TLN2: variants seen among roughly 807,000 people sequenced by gnomAD.
TLN2 encodes talin 2.
TLN2 carries 118 observed loss-of-function variants against 294.7 expected under a neutral mutation model. The ratio of observed to expected loss-of-function variants is 0.40; its 90% CI spans 0.34 to 0.47. The LOEUF is 0.47. Among genes scored for constraint, TLN2 ranks in the 20% least tolerant of loss-of-function variants. TLN2 has a pLI of 0.84. For missense variants in TLN2, 3,083 were observed against 3,282.2 expected (o/e 0.94, Z 1.48); for synonymous variants, 1,431 against 1,304.5 (o/e 1.10, Z -2.09).
intron 33 of TLN2, among the ~76,000 whole-genome samples, chr15:62,750,085 C>T (rs111638349): frequency 5.9e-4 from 90 of 152,264 alleles, no homozygotes; most frequent in African/African-American, 2.2e-3. Context: ...CATGTATTGC[C>T]TTGTATTAAT....
chr15:62,529,271 T>G (rs570300906), intron 1 of TLN2, among the ~76,000 whole-genome samples: 3 of 151,952 alleles, frequency 2.0e-5, no homozygotes, highest in Non-Finnish European at 4.4e-5. Flanking sequence ...TTAAAAAAAA[T>G]TTTTTTTGTA....
At chr15:62,558,022 G>A (rs963850135) in intron 1 of TLN2, among the ~76,000 whole-genome samples, 5 of 152,176 alleles carry the variant, frequency 3.3e-5, no homozygotes, top group African/African-American at 4.8e-5. Context: ...AGCCAAAGCA[G>A]CTCTGCTTTT....
chr15:62,664,938 A>G (rs8037006), intron 9 of TLN2, among the ~76,000 whole-genome samples: 5,213 of 151,200 alleles, frequency 0.034, 322 homozygotes, highest in African/African-American at 0.12. Context: ...CTCTACTTTA[A>G]TAACAGAAGA....
chr15:62,763,826 A>G (rs1357629195), intron 40 of TLN2, 131 bp downstream of exon 40: 1 of 1,333,568 alleles, frequency 7.5e-7, no homozygotes, highest in Admixed American at 3.0e-5. Context: ...TTAGACAGCC[A>G]TTCTCTGTGG....
At chr15:62,745,522 A>G (rs1293620757) in intron 32 of TLN2, among the ~76,000 whole-genome samples, 1 of 152,172 alleles carries the variant, frequency 6.6e-6, no homozygotes, top group Admixed American at 6.5e-5. Flanking sequence ...ATGTCGTTCT[A>G]TCATTTTCTA....
At chr15:62,536,290 T>C (rs1418078687) in intron 1 of TLN2, among the ~76,000 whole-genome samples, 4 of 152,206 alleles carry the variant, frequency 2.6e-5, no homozygotes, top group Non-Finnish European at 5.9e-5. Flanking sequence ...CAGCCAGGCC[T>C]GAGAAGGATT....
At chr15:62,825,737 T>A (rs2068000120) in intron 54 of TLN2, among the ~76,000 whole-genome samples, 2 of 111,824 alleles carry the variant, frequency 1.8e-5, no homozygotes, top group African/African-American at 8.9e-5. Flanking sequence ...AAAATATATT[T>A]TTATATATAT....
chr15:62,792,714 C>T lies in TLN2; in HGVS notation c.5810C>T (p.Ala1937Val). ...ATCTTCCTGGTGCAGAAGGCAGGGG[C>T]CCTCCAGGTCTGCCCCACAGACAGC... Reference protein sequence around the residue: ...GCIFLVQKAGALQVCPTDSYT... With the variant: ...GCIFLVQKAGVLQVCPTDSYT... Residue 1937 changes from alanine (A) to valine (V), a missense_variant, in exon 46 of 59, where the codon GCC becomes GTC. Ala to Val is a moderately conservative substitution (Grantham distance 64). Transcript: ENST00000636159. 6.2e-7 allele frequency: 1 copy of T among 1,614,024 alleles called. No individual in the cohort carries two copies. The highest frequency in any genetic ancestry group is 8.5e-7 in the Non-Finnish European group (1 of 1,180,040).
chr15:62,579,217 G>A (rs938659068), intron 1 of TLN2, among the ~76,000 whole-genome samples: 1 of 152,190 alleles, frequency 6.6e-6, no homozygotes, highest in African/African-American at 2.4e-5. Context: ...CTGGCCATGT[G>A]AGGAAAGAGA....
At chr15:62,820,113 G>A (rs1335968073) in intron 53 of TLN2, among the ~76,000 whole-genome samples, 1 of 152,160 alleles carries the variant, frequency 6.6e-6, no homozygotes, top group African/African-American at 2.4e-5. Context: ...AGGGAGAAGA[G>A]AATGGCAAAT....
rs770072589 is a variant in TLN2, at chr15:62,647,397, T to C, written c.87T>C (p.Asp29=). ...MQFEPSTAVY[D]ACRVIRERVP... is the part of the protein sequence containing the mutation. ...TTGAACCATCTACAGCTGTGTACGATGCGTGTCGAGTCATTCGGGAACGGG... is the reference window on the plus strand; with the variant it reads ...TTGAACCATCTACAGCTGTGTACGACGCGTGTCGAGTCATTCGGGAACGGG... The change falls in exon 4 of 59, where the codon GAT becomes GAC. Residue 29 remains aspartate (D), a synonymous_variant. Transcript: ENST00000636159. 5 of 1,614,228 alleles carry C rather than the reference T, an allele frequency of 3.1e-6. No homozygotes were observed. The highest frequency in any genetic ancestry group is 3.4e-6 in the Non-Finnish European group (4 of 1,180,024).
intron 1 of TLN2, among the ~76,000 whole-genome samples, chr15:62,467,947 C>T (rs891747226): frequency 6.6e-6 from 1 of 152,102 alleles, no homozygotes; most frequent in Admixed American, 6.5e-5. Context: ...AAGACACATC[C>T]TTGGCATAGT....
chr15:62,825,709 T>A (rs1291259470), intron 54 of TLN2, among the ~76,000 whole-genome samples: 1 of 123,288 alleles, frequency 8.1e-6, no homozygotes, highest in Non-Finnish European at 1.6e-5. Flanking sequence ...AATATATATA[T>A]AAATATAAAT....
At chr15:62,591,446 T>C (rs1223299456) in intron 2 of TLN2, among the ~76,000 whole-genome samples, 1 of 152,182 alleles carries the variant, frequency 6.6e-6, no homozygotes, top group Non-Finnish European at 1.5e-5. Context: ...ACATCTGGCA[T>C]GGTCAAACTA....
rs774116063 is a variant in TLN2 at position 62,675,280 on chromosome 15, C to T, written c.916C>T (p.Arg306Trp). The T allele has an allele frequency of 9.3e-6, 15 of 1,614,238 alleles. No homozygotes were observed. The highest frequency in any genetic ancestry group is 1.2e-5 in the Non-Finnish European group (14 of 1,180,050). ...EAKVKYVKLA[R>W]SLRTYGVSFF... ...CAAGGTCAAGTACGTCAAACTCGCA[C>T]GGTCCCTCCGCACATATGGCGTGTC... The change falls in exon 11 of 59, where the codon CGG (arginine) becomes TGG (tryptophan). Residue 306 changes from arginine (R) to tryptophan (W), a missense_variant. Arg to Trp is a moderately radical substitution (Grantham distance 101). Coordinates refer to ENST00000636159, the MANE Select transcript of TLN2 (RefSeq NM_015059.3).
chr15:62,776,719 C>G lies in TLN2; in HGVS notation c.5368-45C>G, dbSNP rs768275964. ...AAGGTTATTCTTAGAAGACTGAGCA[C>G]CGCTCTCTTCTGCTTAAGGAAATGT... On this transcript the variant is annotated intron_variant, in intron 42 of 58. Transcript: ENST00000636159. 2.1e-5 allele frequency: 29 copies of G among 1,408,780 alleles called. No individual in the cohort carries two copies. The South Asian group carries it at 4.5e-4, about 22-fold the overall frequency. 87.3% of individuals were successfully genotyped at this position (1,408,780 alleles called of 1,614,324 possible).
chr15:62,565,626 G>A (rs1263964239), intron 1 of TLN2, among the ~76,000 whole-genome samples: 1 of 152,100 alleles, frequency 6.6e-6, no homozygotes, highest in Non-Finnish European at 1.5e-5. Context: ...GTTTTGCTAG[G>A]CAAACGCTTT....
chr15:62,459,868 C>T (rs1196599198), intron 1 of TLN2, among the ~76,000 whole-genome samples: 1 of 152,100 alleles, frequency 6.6e-6, no homozygotes, highest in Non-Finnish European at 1.5e-5. Context: ...TGCTTTGTTA[C>T]TCATGTAGTT....
chr15:62,567,606 G>A (rs1169475158), intron 1 of TLN2, among the ~76,000 whole-genome samples: 2 of 152,050 alleles, frequency 1.3e-5, no homozygotes, highest in East Asian at 1.9e-4. Context: ...AGGCCAAGGC[G>A]GGTGGATCAC....
Sources: gnomAD v4.1 joint callset for allele counts (sites outside exome capture counted in the v4.1 genomes callset) on GRCh38, gnomAD v4.1.1 for gene constraint, MANE v1.5 for transcripts, NCBI Gene and HGNC (gene_info 2026-07-23, HGNC 2026-07-21) for gene names.